Variants in RSRP1 observed in about 807,000 individuals in gnomAD.
RSRP1 encodes the protein arginine/serine-rich protein 1.
RSRP1 carries 37 observed loss-of-function variants against 33.0 expected under a neutral mutation model. The observed-to-expected ratio is 1.12, with a 90% CI of 0.86 to 1.48. The LOEUF is 1.48. Among genes scored for constraint, RSRP1 ranks in the 40% most tolerant of loss-of-function variants. The pLI is 0.00. For missense variants in RSRP1, 402 were observed against 385.3 expected, an observed-to-expected ratio of 1.04 and a Z score of -0.36; for synonymous variants, 167 against 158.7, an observed-to-expected ratio of 1.05 and a Z score of -0.40.
upstream of RSRP1, chr1:25,247,651 T>A (rs1164515332): frequency 6.6e-6 from 1 of 152,274 alleles, no homozygotes; most frequent in African/African-American, 2.4e-5. Flanking sequence ...GGGAGGTGTT[T>A]GATACATCAG....
Position 25,283,121 on chromosome 1 carries a change from G to A in RSRP1, c.-66-36092C>T, listed in dbSNP as rs1285017128. The stretch of plus-strand genomic sequence containing the variant: ...GCATTACATATACCATTTGATTCTG[G>A]CAACCTAATGAAGGAGTATGATCAT... On this transcript the variant is annotated intron_variant, in intron 1 of 1. Coordinates refer to the RSRP1 transcript ENST00000561867. Among the ~76,000 whole-genome samples the A allele has an allele frequency of 8.3e-5, 11 of 132,174 alleles. 1 individual carries two copies. The highest frequency in any genetic ancestry group is 2.8e-4 in the African/African-American group (11 of 38,762). 86.7% of individuals were successfully genotyped at this position (132,174 alleles called of 152,430 possible).
rs1644233007 is a variant in RSRP1, at chr1:25,312,934, A to AAAAAAAAAAAAAAAAAAAAAAC, written c.-67+25022_-67+25043dup. Among the ~76,000 whole-genome samples the AAAAAAAAAAAAAAAAAAAAAAC allele has an allele frequency of 2.0e-5, 2 of 101,260 alleles. 1 individual carries two copies. The highest frequency in any genetic ancestry group is 6.4e-4 in the South Asian group (2 of 3,124). 66.4% of individuals were successfully genotyped at this position (101,260 alleles called of 152,430 possible). The stretch of plus-strand genomic sequence containing the variant: ...AATCCCATCTCTAAAAAAAAAAAAA[A>AAAAAAAAAAAAAAAAAAAAAAC]AAAAAAAAAAAAAAAAAAAAACTTT... On this transcript the variant is annotated intron_variant, in intron 1 of 1. Coordinates refer to the RSRP1 transcript ENST00000561867.
chr1:25,312,518 G>A (rs1488155569), intron 1 of RSRP1, among the ~76,000 whole-genome samples: 1 of 130,670 alleles, frequency 7.7e-6, no homozygotes, highest in East Asian at 2.0e-4. Flanking sequence ...GTTGAGGTGG[G>A]AGGATTGCTT....
At chr1:25,306,362 G>C (rs1174037328) in intron 1 of RSRP1, among the ~76,000 whole-genome samples, 1 of 131,560 alleles carries the variant, frequency 7.6e-6, no homozygotes, top group East Asian at 1.9e-4. Context: ...CATCACCTGG[G>C]ACCTTGTTAG....
chr1:25,259,976 C>T (rs1640078801), intron 1 of RSRP1, among the ~76,000 whole-genome samples: 1 of 151,844 alleles, frequency 6.6e-6, no homozygotes, highest in African/African-American at 2.4e-5. Context: ...GCTGATACGA[C>T]AGCTCTCTGT....
At chr1:25,285,651 C>T (rs1485640328) in intron 1 of RSRP1, among the ~76,000 whole-genome samples, 1 of 135,262 alleles carries the variant, frequency 7.4e-6, no homozygotes, top group Non-Finnish European at 1.8e-5. Flanking sequence ...CACAAAATAA[C>T]CGCATGGGGT....
At chr1:25,260,107 A>G (rs28449284) in intron 1 of RSRP1, among the ~76,000 whole-genome samples, 6,452 of 152,268 alleles carry the variant, frequency 0.042, 490 homozygotes, top group African/African-American at 0.15. Flanking sequence ...TTAACAGACA[A>G]TTGGTCAAAA....
chr1:25,318,849 A>T lies in RSRP1; in HGVS notation c.-67+19129T>A, dbSNP rs569531282. The stretch of plus-strand genomic sequence containing the variant: ...CTTCCTTCCAGCTTTAACAAACTGT[A>T]TGGAGGTACTTTTTGGAGTTACCTG... On this transcript the variant is annotated intron_variant, in intron 1 of 1. Transcript: ENST00000561867. Among the ~76,000 whole-genome samples the T allele has an allele frequency of 2.3e-5, 3 of 132,718 alleles. 1 individual carries two copies. The South Asian group carries it at 6.9e-4, about 30-fold the overall frequency. 87.1% of individuals were successfully genotyped at this position (132,718 alleles called of 152,430 possible).
chr1:25,336,942 AAAC>A (rs1418110458), intron 1 of RSRP1: 1 of 152,034 alleles, frequency 6.6e-6, no homozygotes, highest in Non-Finnish European at 1.5e-5. Context: ...CCATCAAAGG[AAAC>A]AACAGTCACC....
chr1:25,306,251 A>T (rs1643822292), intron 1 of RSRP1, among the ~76,000 whole-genome samples: 1 of 131,778 alleles, frequency 7.6e-6, no homozygotes, highest in South Asian at 2.3e-4. Flanking sequence ...TACAGTACAC[A>T]GGGCAGCCCC....
chr1:25,244,288 G>A (rs946040408), intron 3 of RSRP1: 37 of 1,288,514 alleles, frequency 2.9e-5, no homozygotes, highest in Middle Eastern at 2.1e-4. Context: ...CCGTTACAAC[G>A]TGTACCTTTG....
At chr1:25,261,997 C>T (rs1640173360) in intron 1 of RSRP1, among the ~76,000 whole-genome samples, 1 of 152,162 alleles carries the variant, frequency 6.6e-6, no homozygotes, top group Non-Finnish European at 1.5e-5. Context: ...CAGGTGTGAG[C>T]CACTGTGCCT....
intron 1 of RSRP1, among the ~76,000 whole-genome samples, chr1:25,273,039 T>G (rs1571558970): frequency 7.6e-6 from 1 of 132,110 alleles, no homozygotes; most frequent in East Asian, 2.0e-4. Context: ...ATTTTTTTAT[T>G]TTTATAGATT....
intron 1 of RSRP1, among the ~76,000 whole-genome samples, chr1:25,299,019 GC>G (rs925275704): frequency 8.4e-6 from 1 of 119,368 alleles, no homozygotes; most frequent in Non-Finnish European, 2.0e-5. Context: ...ATGGCAGGGT[GC>G]TGGGAGGGCT....
chr1:25,250,940 C>T (rs1161819154), upstream of RSRP1, among the ~76,000 whole-genome samples: 1 of 151,600 alleles, frequency 6.6e-6, no homozygotes, highest in African/African-American at 2.4e-5. Flanking sequence ...ATCCAGGAGG[C>T]GGAGGTTGCA....
intron 1 of RSRP1, among the ~76,000 whole-genome samples, chr1:25,257,182 C>T (rs927102694): frequency 6.6e-6 from 1 of 152,208 alleles, no homozygotes; most frequent in African/African-American, 2.4e-5. Flanking sequence ...TTCTTGATCT[C>T]CCAGACAGGT....
intron 1 of RSRP1, among the ~76,000 whole-genome samples, chr1:25,255,845 G>A (rs1045281633): frequency 1.3e-5 from 2 of 152,058 alleles, no homozygotes; most frequent in Non-Finnish European, 2.9e-5. Flanking sequence ...CTAATGCTGC[G>A]GCTGATCTGA....
At chr1:25,243,851 T>C in intron 3 of RSRP1, 1 of 1,265,818 alleles carries the variant, frequency 7.9e-7, no homozygotes. Context: ...TTTACTTCCC[T>C]GCTGGCAAAT....
At position 25,295,988 on chromosome 1, in the gene RSRP1, G is replaced by A. The variant is rs1382868824; in HGVS notation, c.-67+41990C>T. Reference sequence around the variant, plus strand: ...AGTGATTCTCCTGTCTCAGCTTCCCGAGTAGCTGAGATTACAGGCACACAC... The same window carrying A: ...AGTGATTCTCCTGTCTCAGCTTCCCAAGTAGCTGAGATTACAGGCACACAC... On this transcript the variant is annotated intron_variant, in intron 1 of 1. Coordinates refer to the RSRP1 transcript ENST00000561867. 3.5e-5 allele frequency among the ~76,000 whole-genome samples: 4 copies of A among 113,606 alleles called. 1 individual carries two copies. In the Admixed American group the frequency reaches 3.5e-4, roughly 10 times the overall value. 74.5% of individuals were successfully genotyped at this position (113,606 alleles called of 152,430 possible).
Sources: allele counts gnomAD v4.1 joint callset (sites outside exome capture counted in the v4.1 genomes callset), GRCh38; gene constraint gnomAD v4.1.1; transcripts MANE v1.5; gene names NCBI Gene and HGNC (gene_info 2026-07-23, HGNC 2026-07-21).